Variants in CHST8 observed in about 807,000 individuals in gnomAD.
CHST8 encodes carbohydrate sulfotransferase 8.
A neutral mutation model predicts 15.0 loss-of-function variants in CHST8; 10 were observed. The observed-to-expected ratio is 0.67, with a 90% CI of 0.41 to 1.13. The LOEUF (loss-of-function observed/expected upper bound fraction) is 1.13. Ranked by LOEUF, CHST8 falls within the 50% of genes most tolerant of loss-of-function variation. CHST8 has a pLI of 0.00. For missense variants in CHST8, 634 were observed against 608.2 expected, an observed-to-expected ratio of 1.04 and a Z score of -0.45; for synonymous variants, 259 against 256.6, an observed-to-expected ratio of 1.01 and a Z score of -0.09.
chr19:33,648,816 A>G (rs569033826), intron 1 of CHST8, among the ~76,000 whole-genome samples: 10 of 128,660 alleles, frequency 7.8e-5, no homozygotes, highest in Non-Finnish European at 1.6e-4. Flanking sequence ...CCAAATATCC[A>G]TCAATAGATG....
chr19:33,705,237 C>T (rs754405537), intron 3 of CHST8, among the ~76,000 whole-genome samples: 10 of 152,182 alleles, frequency 6.6e-5, no homozygotes, highest in Non-Finnish European at 1.3e-4. Context: ...TGAAGCCAGA[C>T]CCCAAGCGGT....
chr19:33,657,409 C>G (rs1972524551), intron 1 of CHST8, among the ~76,000 whole-genome samples: 1 of 151,968 alleles, frequency 6.6e-6, no homozygotes, highest in Non-Finnish European at 1.5e-5. Context: ...GCTGGGATTA[C>G]AGGCACACAC....
At chr19:33,737,924 C>A (rs1568349025) in intron 3 of CHST8, among the ~76,000 whole-genome samples, 1 of 152,040 alleles carries the variant, frequency 6.6e-6, no homozygotes, top group Non-Finnish European at 1.5e-5. Flanking sequence ...TCTTCAGCAA[C>A]AAGTGGTTGC....
chr19:33,690,217 G>A (rs555128212), intron 3 of CHST8, among the ~76,000 whole-genome samples: 5 of 152,280 alleles, frequency 3.3e-5, no homozygotes, highest in African/African-American at 7.2e-5. Flanking sequence ...ATGCTCTAGG[G>A]CATGGACAAG....
chr19:33,693,628 C>A (rs1260128734), intron 3 of CHST8, among the ~76,000 whole-genome samples: 2 of 152,174 alleles, frequency 1.3e-5, no homozygotes, highest in Admixed American at 6.5e-5. Flanking sequence ...TCCTATAGAA[C>A]TTTCTGTAAA....
In CHST8 at chr19:33,689,222, G is replaced by T; in HGVS notation, c.-40G>T. ...GGTGTGGACGATGAGGGAAGAACGT[G>T]CCCCCCACACCCAAGAGGTGACCCC... is the stretch of plus-strand genomic sequence containing the variant. On this transcript the variant is annotated 5_prime_UTR_variant, in exon 3 of 5. Transcript: ENST00000650847. 1 of 1,501,574 alleles carries T rather than the reference G, an allele frequency of 6.7e-7. No homozygotes were observed. Among genetic ancestry groups the T allele is most frequent in the Non-Finnish European group, 8.9e-7 (1 of 1,125,290 alleles). The allele number at this position is 1,501,574 out of a possible 1,614,324, so 93.0% of individuals were successfully genotyped here.
intron 1 of CHST8, among the ~76,000 whole-genome samples, chr19:33,623,609 G>T (rs1398315567): frequency 6.6e-6 from 1 of 152,168 alleles, no homozygotes; most frequent in South Asian, 2.1e-4. Context: ...TTTCTCTTCT[G>T]AGTTCACCTT....
At chr19:33,709,149 A>G (rs1258283489) in intron 3 of CHST8, among the ~76,000 whole-genome samples, 1 of 152,244 alleles carries the variant, frequency 6.6e-6, no homozygotes, top group African/African-American at 2.4e-5. Context: ...ATACAGAATT[A>G]TGCTCTCTGC....
intron 1 of CHST8, among the ~76,000 whole-genome samples, chr19:33,642,786 C>T (rs1161560686): frequency 1.3e-5 from 2 of 152,234 alleles, no homozygotes; most frequent in African/African-American, 4.8e-5. Flanking sequence ...AAGGGGCTAC[C>T]TTACGTCTCT....
At chr19:33,689,414 G>A (rs762075775) in intron 3 of CHST8, 23 bp downstream of exon 3, 3 of 1,544,928 alleles carry the variant, frequency 1.9e-6, no homozygotes. Flanking sequence ...GCTGAGTCCT[G>A]CCATCACTGC....
chr19:33,755,105 G>T (rs183174365), intron 3 of CHST8, among the ~76,000 whole-genome samples: 1 of 152,156 alleles, frequency 6.6e-6, no homozygotes, highest in African/African-American at 2.4e-5. Flanking sequence ...CCCCCCAGGG[G>T]CTCAGGATGG....
chr19:33,671,051 C>T (rs1021838647), intron 2 of CHST8, among the ~76,000 whole-genome samples: 1 of 152,052 alleles, frequency 6.6e-6, no homozygotes, highest in Non-Finnish European at 1.5e-5. Flanking sequence ...TCCATTGTTC[C>T]GTTTCTATTT....
chr19:33,768,482 C>G (rs972255333), intron 3 of CHST8, among the ~76,000 whole-genome samples: 1 of 151,976 alleles, frequency 6.6e-6, no homozygotes, highest in Non-Finnish European at 1.5e-5. Context: ...GACAAAGTCT[C>G]ACTCTGTTGC....
intron 3 of CHST8, among the ~76,000 whole-genome samples, chr19:33,750,755 G>A (rs1447155337): frequency 1.3e-5 from 2 of 152,138 alleles, no homozygotes; most frequent in Admixed American, 6.5e-5. Context: ...GGCACCAGCC[G>A]CCCACCCCCA....
At chr19:33,769,153 C>A (rs2145393339) in intron 3 of CHST8, among the ~76,000 whole-genome samples, 1 of 152,326 alleles carries the variant, frequency 6.6e-6, no homozygotes, top group Non-Finnish European at 1.5e-5. Flanking sequence ...GACCACAGCC[C>A]ACTGCCCTCC....
At chr19:33,760,940 T>C (rs1356279042) in intron 3 of CHST8, among the ~76,000 whole-genome samples, 2 of 152,206 alleles carry the variant, frequency 1.3e-5, no homozygotes, top group Admixed American at 6.5e-5. Flanking sequence ...CTGTCATCAG[T>C]ACCTAAGATG....
chr19:33,773,346 G>C lies in CHST8; in HGVS notation c.*283G>C. The C allele has an allele frequency of 2.1e-6, 1 of 465,830 alleles. No homozygotes were observed. Among genetic ancestry groups the C allele is most frequent in the Non-Finnish European group, 3.8e-6 (1 of 262,816 alleles). 28.9% of individuals were successfully genotyped at this position (465,830 alleles called of 1,614,324 possible). ...CTCAGCCGACAGTTTTGATGAGCAG[G>C]GAAGTCTGAGGCCCAGAGGACGGGG... On this transcript the variant is annotated 3_prime_UTR_variant, in exon 5 of 5. Transcript: ENST00000650847.
intron 3 of CHST8, among the ~76,000 whole-genome samples, chr19:33,701,614 AGAG>A (rs1156263798): frequency 2.0e-5 from 3 of 152,230 alleles, no homozygotes; most frequent in African/African-American, 7.2e-5. Flanking sequence ...TAAAAATAGA[AGAG>A]GAGATCTAAT....
intron 1 of CHST8, among the ~76,000 whole-genome samples, chr19:33,643,026 T>C (rs1416833946): frequency 6.6e-6 from 1 of 152,210 alleles, no homozygotes; most frequent in Non-Finnish European, 1.5e-5. Context: ...GTTTTCGTTT[T>C]TGTTTTTCAA....
Sources: allele counts gnomAD v4.1 joint callset (sites outside exome capture counted in the v4.1 genomes callset), GRCh38; gene constraint gnomAD v4.1.1; transcripts MANE v1.5; gene names NCBI Gene and HGNC (gene_info 2026-07-23, HGNC 2026-07-21).